The following JAM3 variants were observed in gnomAD, a reference collection of about 807,000 sequenced individuals.
The protein encoded by JAM3 is junctional adhesion molecule C.
In JAM3, 31 loss-of-function variants were observed where a neutral mutation model predicts 39.4. The ratio of observed to expected loss-of-function variants is 0.79; its 90% CI spans 0.59 to 1.06. The LOEUF (loss-of-function observed/expected upper bound fraction) is 1.06. Among genes scored for constraint, JAM3 ranks in the 50% least tolerant of loss-of-function variants. The pLI is 0.00. For missense variants in JAM3, 455 were observed against 391.4 expected (o/e 1.16, Z -1.37); for synonymous variants, 182 against 148.7 (o/e 1.22, Z -1.63).
chr11:134,149,399 G>T lies in JAM3; in HGVS notation c.*218G>T. The T allele has an allele frequency of 1.6e-6, 1 of 629,446 alleles. No homozygotes were observed. The highest frequency in any genetic ancestry group is 2.8e-6 in the Non-Finnish European group (1 of 353,954). The allele number at this position is 629,446 out of a possible 1,614,324, so 39.0% of individuals were successfully genotyped here. A position where few individuals can be genotyped will look rare whatever the true frequency, so the allele number is the denominator to read the frequency against. ...ATGGACCCGGTAAATATAACCACAA[G>T]GAAGCGAAACTGGGTGCGTTCACTG... On this transcript the variant is annotated 3_prime_UTR_variant, in exon 9 of 9. Coordinates refer to ENST00000299106, the MANE Select transcript of JAM3 (RefSeq NM_032801.5).
intron 1 of JAM3, among the ~76,000 whole-genome samples, chr11:134,126,183 G>T (rs1477473512): frequency 1.3e-5 from 2 of 152,210 alleles, no homozygotes; most frequent in African/African-American, 4.8e-5. Context: ...TAGAATGCTA[G>T]TAATACTTGA....
At position 134,095,729 on chromosome 11, in the gene JAM3, C is replaced by T. The variant is rs187100040; in HGVS notation, c.76+26570C>T. Reference sequence around the variant, plus strand: ...AAAGCACTACGGAAGTACTCAGTTACGAGTGTGCTGTTAACTTGCTACATG... The same window carrying T: ...AAAGCACTACGGAAGTACTCAGTTATGAGTGTGCTGTTAACTTGCTACATG... On this transcript the variant is annotated intron_variant, in intron 1 of 8. Transcript: ENST00000299106. 5.3e-5 allele frequency among the ~76,000 whole-genome samples: 8 copies of T among 152,190 alleles called. 1 individual carries two copies. The South Asian group carries it at 8.3e-4, about 16-fold the overall frequency.
chr11:134,091,833 T>G (rs1212810580), intron 1 of JAM3, among the ~76,000 whole-genome samples: 9 of 113,964 alleles, frequency 7.9e-5, no homozygotes, highest in Admixed American at 2.3e-4. Flanking sequence ...TTTGGGGGTG[T>G]GGGTTTTTTT....
intron 1 of JAM3, chr11:134,124,088 A>G (rs1942591038): frequency 9.4e-6 from 14 of 1,487,918 alleles, no homozygotes; most frequent in South Asian, 3.4e-5. Flanking sequence ...GGTTTAACCA[A>G]TCATCTACTA....
Position 134,150,728 on chromosome 11 carries a change from C to T in JAM3, c.*1547C>T. On this transcript the variant is annotated 3_prime_UTR_variant, in exon 9 of 9. Coordinates refer to ENST00000299106, the MANE Select transcript of JAM3 (RefSeq NM_032801.5). ...AAATCAAGTCTGTCAAGTACAATAA[C>T]ATTTTTAAAAGAAAATGGATCCCAC... 6.6e-6 allele frequency: 1 copy of T among 151,972 alleles called. No individual in the cohort carries two copies. Among genetic ancestry groups the T allele is most frequent in the Non-Finnish European group, 1.5e-5 (1 of 67,996 alleles). The allele number at this position is 151,972 out of a possible 1,614,324, so 9.4% of individuals were successfully genotyped here.
chr11:134,145,219 C>T (rs936475457), intron 5 of JAM3: 21 of 589,132 alleles, frequency 3.6e-5, no homozygotes, highest in Admixed American at 2.1e-4. Flanking sequence ...AGATTGAGAC[C>T]GAAGAGGGAT....
At chr11:134,083,243 ATTCC>A (rs1467875412) in intron 1 of JAM3, among the ~76,000 whole-genome samples, 4 of 152,204 alleles carry the variant, frequency 2.6e-5, no homozygotes, top group African/African-American at 9.6e-5. Flanking sequence ...ATTGGGTGGA[ATTCC>A]TCTGTCATCT....
rs532151944 is a variant in JAM3, at chr11:134,102,501, A to C, written c.76+33342A>C. On this transcript the variant is annotated intron_variant, in intron 1 of 8. Coordinates refer to ENST00000299106, the MANE Select transcript of JAM3 (RefSeq NM_032801.5). ...CGCAGCTCCTCACCAGCAACGGAAC[A>C]AAGCTGGACACAGAATGACTTTGAT... 4.5e-4 allele frequency among the ~76,000 whole-genome samples: 69 copies of C among 152,366 alleles called. 1 individual carries two copies. The highest frequency in any genetic ancestry group is 1.6e-3 in the African/African-American group (66 of 41,582).
intron 1 of JAM3, among the ~76,000 whole-genome samples, chr11:134,099,208 A>G (rs1172791223): frequency 1.3e-5 from 2 of 152,228 alleles, no homozygotes; most frequent in African/African-American, 2.4e-5. Context: ...TTCAAAAAAT[A>G]AAAATAAAAA....
intron 1 of JAM3, among the ~76,000 whole-genome samples, chr11:134,110,101 T>G (rs190626606): frequency 1.3e-3 from 198 of 152,260 alleles, no homozygotes; most frequent in African/African-American, 4.7e-3. Context: ...TAATGCAAAT[T>G]AAAACCACAG....
Position 134,148,647 on chromosome 11 carries a change from C to T in JAM3, c.813C>T (p.Tyr271=). The T allele has an allele frequency of 6.2e-7, 1 of 1,614,106 alleles. No homozygotes were observed. The highest frequency in any genetic ancestry group is 1.1e-5 in the South Asian group (1 of 91,078). ...TCTGCTGTGCATACAGACGTGGCTA[C>T]TTCATCAACAATAAACAGGATGGAG... ...LGICCAYRRG[Y]FINNKQDGES... is the part of the protein sequence containing the mutation. The change falls in exon 7 of 9, where the codon TAC becomes TAT. Residue 271 remains tyrosine, a synonymous_variant. Coordinates refer to ENST00000299106, the MANE Select transcript of JAM3 (RefSeq NM_032801.5).
chr11:134,108,634 G>T (rs1942248658), intron 1 of JAM3, among the ~76,000 whole-genome samples: 1 of 152,130 alleles, frequency 6.6e-6, no homozygotes, highest in Non-Finnish European at 1.5e-5. Flanking sequence ...AGGAATGCAA[G>T]GTTGGTTTAA....
At chr11:134,115,519 A>T (rs1942411021) in intron 1 of JAM3, among the ~76,000 whole-genome samples, 1 of 152,014 alleles carries the variant, frequency 6.6e-6, no homozygotes, top group Non-Finnish European at 1.5e-5. Context: ...ACCTTGATAT[A>T]TTTAAAGAGT....
At chr11:134,139,562 G>A (rs1942935580) in intron 1 of JAM3, 1 of 421,100 alleles carries the variant, frequency 2.4e-6, no homozygotes, top group Admixed American at 3.5e-5. Context: ...GGGTCAATAG[G>A]AAATGCTTAG....
chr11:134,112,517 A>G (rs1367218436), intron 1 of JAM3, among the ~76,000 whole-genome samples: 1 of 152,224 alleles, frequency 6.6e-6, no homozygotes, highest in African/African-American at 2.4e-5. Context: ...TGACACAGAT[A>G]TACTTAATTA....
intron 1 of JAM3, among the ~76,000 whole-genome samples, chr11:134,122,591 C>T (rs1374863788): frequency 1.3e-5 from 2 of 152,178 alleles, no homozygotes; most frequent in Non-Finnish European, 2.9e-5. Context: ...GGCCTGTGGA[C>T]ACATACTCAC....
intron 1 of JAM3, among the ~76,000 whole-genome samples, chr11:134,127,196 C>T (rs1942665526): frequency 6.6e-6 from 1 of 152,196 alleles, no homozygotes; most frequent in South Asian, 2.1e-4. Context: ...GGCTCCATCA[C>T]TTGGCTGTGG....
At chr11:134,146,612 G>T (rs1943076960) in intron 6 of JAM3, among the ~76,000 whole-genome samples, 1 of 151,980 alleles carries the variant, frequency 6.6e-6, no homozygotes, top group Admixed American at 6.6e-5. Flanking sequence ...TTGTTGCCCA[G>T]GCTGGAGTGC....
intron 1 of JAM3, among the ~76,000 whole-genome samples, chr11:134,107,462 C>T (rs570333038): frequency 6.6e-6 from 1 of 151,774 alleles, no homozygotes; most frequent in South Asian, 2.1e-4. Context: ...ACAGATGTAC[C>T]CTAGAACATA....
Sources: allele counts gnomAD v4.1 joint callset (sites outside exome capture counted in the v4.1 genomes callset), GRCh38; gene constraint gnomAD v4.1.1; transcripts MANE v1.5; gene names NCBI Gene and HGNC (gene_info 2026-07-23, HGNC 2026-07-21).